Variants in PDS5B observed in about 807,000 individuals in gnomAD.
PDS5B encodes the protein PDS5 cohesin associated factor B.
A neutral mutation model predicts 184.1 loss-of-function variants in PDS5B; 51 were observed. The observed-to-expected ratio is 0.28, with a 90% CI of 0.22 to 0.35. The LOEUF (loss-of-function observed/expected upper bound fraction) is 0.35. PDS5B is among the 10% of genes least tolerant of loss of function. The pLI, the probability that PDS5B is intolerant of heterozygous loss-of-function variation, is 1.00. For missense variants in PDS5B, 1,180 were observed against 1,723.3 expected (o/e 0.68, Z 5.58); for synonymous variants, 566 against 569.2 (o/e 0.99, Z 0.08).
Position 32,610,355 on chromosome 13 carries a change from A to G in PDS5B, c.-20+23762A>G, listed in dbSNP as rs142788254. On this transcript the variant is annotated intron_variant, in intron 1 of 34. Coordinates refer to ENST00000315596, the MANE Select transcript of PDS5B (RefSeq NM_015032.4). ...TTCTAATGATATTCTCTGAAAGACA[A>G]TTTTGAGGATTAGATAAAATACCCT... Among the ~76,000 whole-genome samples the G allele has an allele frequency of 4.0e-3, 613 of 152,316 alleles. 5 individuals are homozygous for G. Among genetic ancestry groups the G allele is most frequent in the African/African-American group, 0.014 (581 of 41,568 alleles).
intron 6 of PDS5B, among the ~76,000 whole-genome samples, chr13:32,661,234 A>G (rs749301127): frequency 6.6e-6 from 1 of 151,938 alleles, no homozygotes; most frequent in Non-Finnish European, 1.5e-5. Context: ...AATTACAAAA[A>G]TTAGCCAGGC....
At chr13:32,674,887 C>T (rs146861686) in intron 8 of PDS5B, among the ~76,000 whole-genome samples, 1 of 150,874 alleles carries the variant, frequency 6.6e-6, no homozygotes, top group Non-Finnish European at 1.5e-5. Flanking sequence ...GGCACTGAAC[C>T]AGACTAGCTG....
chr13:32,626,142 A>G (rs2058368045), intron 1 of PDS5B, among the ~76,000 whole-genome samples: 1 of 152,128 alleles, frequency 6.6e-6, no homozygotes, highest in South Asian at 2.1e-4. Flanking sequence ...ACCCAGCCCC[A>G]GACCAGTATT....
At chr13:32,599,896 C>G (rs771563532) in intron 1 of PDS5B, among the ~76,000 whole-genome samples, 1 of 152,108 alleles carries the variant, frequency 6.6e-6, no homozygotes, top group Non-Finnish European at 1.5e-5. Context: ...GCCTGGGTGA[C>G]AGAATGAGAC....
intron 19 of PDS5B, among the ~76,000 whole-genome samples, chr13:32,713,239 T>G (rs1952264770): frequency 6.6e-6 from 1 of 152,226 alleles, no homozygotes; most frequent in Non-Finnish European, 1.5e-5. Flanking sequence ...TTGATGTTAA[T>G]TTTTTAAAGA....
intron 19 of PDS5B, among the ~76,000 whole-genome samples, chr13:32,716,111 C>CT (rs1952397281): frequency 6.6e-6 from 1 of 151,992 alleles, no homozygotes; most frequent in Non-Finnish European, 1.5e-5. Flanking sequence ...GCGTCTCTGC[C>CT]TGGCCGCCCA....
At chr13:32,757,972 C>A in intron 26 of PDS5B, 115 bp from the exon 27 acceptor site, 33 of 350,696 alleles carry the variant, frequency 9.4e-5, no homozygotes, top group East Asian at 1.3e-4. Flanking sequence ...TTTTTTTTTT[C>A]TTCCTGGAGT....
intron 1 of PDS5B, among the ~76,000 whole-genome samples, chr13:32,632,872 G>A (rs993497374): frequency 6.6e-6 from 1 of 151,350 alleles, no homozygotes; most frequent in African/African-American, 2.4e-5. Context: ...GGGAGGCTGA[G>A]GCAGGCGGAT....
intron 19 of PDS5B, among the ~76,000 whole-genome samples, chr13:32,716,543 G>A (rs1391782920): frequency 2.6e-5 from 4 of 151,798 alleles, no homozygotes; most frequent in South Asian, 4.2e-4. Context: ...GTCTCCACCC[G>A]GCAGCCACCC....
intron 3 of PDS5B, among the ~76,000 whole-genome samples, chr13:32,656,941 A>G (rs1029045363): frequency 1.3e-5 from 2 of 152,312 alleles, no homozygotes; most frequent in South Asian, 4.1e-4. Context: ...ATATGTGGTC[A>G]TCATTATGTG....
intron 1 of PDS5B, among the ~76,000 whole-genome samples, chr13:32,594,008 T>A (rs2057817050): frequency 6.6e-6 from 1 of 152,230 alleles, no homozygotes. Flanking sequence ...CACAAATAAA[T>A]GATAAATGTT....
chr13:32,600,879 G>A (rs138524458), intron 1 of PDS5B, among the ~76,000 whole-genome samples: 1 of 152,110 alleles, frequency 6.6e-6, no homozygotes, highest in African/African-American at 2.4e-5. Flanking sequence ...TTTTCTTCTG[G>A]GATCCTTGGA....
intron 1 of PDS5B, among the ~76,000 whole-genome samples, chr13:32,635,802 CT>C (rs2058545122): frequency 7.5e-6 from 1 of 134,154 alleles, no homozygotes; most frequent in Non-Finnish European, 1.5e-5. Flanking sequence ...GAGTCTTGCT[CT>C]GTCGCCCAGG....
At chr13:32,671,225 T>G (rs372047803) in intron 7 of PDS5B, among the ~76,000 whole-genome samples, 2 of 138,528 alleles carry the variant, frequency 1.4e-5, no homozygotes, top group African/African-American at 6.8e-5. Flanking sequence ...AAGACCAACT[T>G]GGTCATTGCC....
chr13:32,733,420 TATAATC>T (rs1375863075), intron 20 of PDS5B, among the ~76,000 whole-genome samples: 1 of 152,192 alleles, frequency 6.6e-6, no homozygotes, highest in Non-Finnish European at 1.5e-5. Flanking sequence ...TTACCAAACT[TATAATC>T]TAATTGAAAA....
In PDS5B at chr13:32,606,206, G is replaced by A. The variant is rs180967954; in HGVS notation, c.-20+19613G>A. Among the ~76,000 whole-genome samples, 33 of 152,272 alleles carry A rather than the reference G, an allele frequency of 2.2e-4. No homozygotes were observed. The East Asian group carries it at 5.2e-3, about 24-fold the overall frequency. ...GCATGTTTTTGCAGTGGCTGGTACTGGTTGTTCCTTTCCAGATTTAGTGCT... is the reference window on the plus strand; with the variant it reads ...GCATGTTTTTGCAGTGGCTGGTACTAGTTGTTCCTTTCCAGATTTAGTGCT... On this transcript the variant is annotated intron_variant, in intron 1 of 34. Transcript: ENST00000315596.
At chr13:32,696,997 T>G in intron 15 of PDS5B, 95 bp downstream of exon 15, 1 of 702,360 alleles carries the variant, frequency 1.4e-6, no homozygotes, top group Non-Finnish European at 2.4e-6. Context: ...TAGGCTATGA[T>G]AATATAGGAA....
At chr13:32,711,583 C>T (rs1396239315) in intron 19 of PDS5B, among the ~76,000 whole-genome samples, 23 of 152,000 alleles carry the variant, frequency 1.5e-4, no homozygotes, top group Non-Finnish European at 2.9e-5. Context: ...GGCTCCAACT[C>T]CTGGCCTCAA....
At chr13:32,721,171 G>A (rs909891600) in intron 19 of PDS5B, among the ~76,000 whole-genome samples, 7 of 152,332 alleles carry the variant, frequency 4.6e-5, no homozygotes, top group Non-Finnish European at 7.3e-5. Flanking sequence ...CCTCCCAGAC[G>A]GCGTGGTGGC....
Sources: allele counts gnomAD v4.1 joint callset (sites outside exome capture counted in the v4.1 genomes callset), GRCh38; gene constraint gnomAD v4.1.1; transcripts MANE v1.5; gene names NCBI Gene and HGNC (gene_info 2026-07-23, HGNC 2026-07-21).